The following TLR10 variants were observed in gnomAD, a reference collection of about 807,000 sequenced individuals.
The protein encoded by TLR10 is toll like receptor 10.
For missense variants in TLR10, 929 were observed against 932.9 expected (o/e 1.00, Z 0.05); for synonymous variants, 288 against 338.8 (o/e 0.85, Z 1.65).
intron 1 of TLR10, among the ~76,000 whole-genome samples, chr4:38,778,181 CA>C (rs574440386): frequency 1.0e-3 from 154 of 152,228 alleles, no homozygotes; most frequent in African/African-American, 3.5e-3. Flanking sequence ...CCATCATTCT[CA>C]GCAAACTAAT....
chr4:38,774,198 G>A lies in TLR10; in HGVS notation c.1393C>T (p.Leu465=). 1 of 1,613,528 alleles carries A rather than the reference G, an allele frequency of 6.2e-7. No individual in the cohort carries two copies. Among genetic ancestry groups the A allele is most frequent in the Non-Finnish European group, 8.5e-7 (1 of 1,179,866 alleles). The change falls in exon 4 of 4, where the codon CTG becomes TTG. Residue 465 remains leucine, a synonymous_variant. Transcript: ENST00000308973. ...IQTVPKETIH[L]MALRELNIAF... is the part of the protein sequence containing the mutation. ...ATATTTAGTTCTCGTAAGGCCATCA[G>A]ATGAATAGTCTCTTTAGGTACAGTT...
In TLR10 at chr4:38,773,754, A is replaced by G. The variant is rs1236518890; in HGVS notation, c.1837T>C (p.Cys613Arg). Reference sequence around the variant, plus strand: ...CTAACCCTGTGCCATGTTTGTGTGCATTGACCTAGCATCCTGAGATACCAG... The same window carrying G: ...CTAACCCTGTGCCATGTTTGTGTGCGTTGACCTAGCATCCTGAGATACCAG... ...LPWYLRMLGQ[C>R]TQTWHRVRKT... The change falls in exon 4 of 4, where the codon TGC becomes CGC. Residue 613 changes from cysteine (C) to arginine (R), a missense_variant. Transcript: ENST00000308973. The G allele has an allele frequency of 1.7e-5, 27 of 1,613,236 alleles. No homozygotes were observed. The highest frequency in any genetic ancestry group is 2.3e-5 in the Non-Finnish European group (27 of 1,179,666).
rs1725029294 is a variant in TLR10, at chr4:38,775,838, G to A, written c.-126C>T. 3 of 351,010 alleles carry A rather than the reference G, an allele frequency of 8.5e-6. No individual in the cohort carries two copies. The Admixed American group carries it at 1.3e-4, about 15-fold the overall frequency. The allele number at this position is 351,010 out of a possible 1,614,324, so 21.7% of individuals were successfully genotyped here. On this transcript the variant is annotated 5_prime_UTR_variant, in exon 3 of 4. An upstream open reading frame in the 5' UTR gains an earlier in-frame stop. Coordinates refer to ENST00000308973, the MANE Select transcript of TLR10 (RefSeq NM_030956.4). ...CTGAGAAGTCTCCAAGCTGGCTACT[G>A]TGCCATGTCTCCGTTGTTGAGGTAA...
At chr4:38,782,611 G>A (rs1226689648) in intron 1 of TLR10, among the ~76,000 whole-genome samples, 2 of 152,120 alleles carry the variant, frequency 1.3e-5, no homozygotes, top group Non-Finnish European at 1.5e-5. Context: ...ACGCTGTGGG[G>A]AAATAAGAGC....
Position 38,775,286 on chromosome 4 carries a change from T to G in TLR10, c.305A>C (p.Asp102Ala), listed in dbSNP as rs1335676528. 3 of 1,614,092 alleles carry G rather than the reference T, an allele frequency of 1.9e-6. No individual in the cohort carries two copies. In the South Asian group the frequency reaches 3.3e-5, roughly 18 times the overall value. ...FEFNKELRYL[D>A]LSNNRLKSVT... ...ACTCTTCAGTCTGTTATTAGACAAATCTAAATATCTTAACTCCTTGTTGAA... is the reference window on the plus strand; with the variant it reads ...ACTCTTCAGTCTGTTATTAGACAAAGCTAAATATCTTAACTCCTTGTTGAA... The change falls in exon 4 of 4, where the codon GAT becomes GCT. Residue 102 changes from aspartate (D) to alanine (A), a missense_variant. Physicochemically the swap from Asp to Ala is moderately radical, Grantham distance 126 (BLOSUM62 -2). Coordinates refer to ENST00000308973, the MANE Select transcript of TLR10 (RefSeq NM_030956.4).
At chr4:38,776,541 A>G (rs1048124635) in intron 1 of TLR10, 115 bp from the exon 2 acceptor site, 2 of 152,368 alleles carry the variant, frequency 1.3e-5, no homozygotes, top group African/African-American at 4.8e-5. Flanking sequence ...TGAGGGAAGT[A>G]CTACTACTCC....
chr4:38,774,887 C>T lies in TLR10; in HGVS notation c.704G>A (p.Arg235Gln), dbSNP rs145056839. 8.4e-5 allele frequency: 135 copies of T among 1,607,932 alleles called. No homozygotes were observed. The highest frequency in any genetic ancestry group is 1.9e-4 in the Admixed American group (11 of 58,732). ...KSQFVSYEMQ[R>Q]NLSLENAKTS... ...CTTAGCATTTTCTAAACTAAGATTTCGTTGCATTTCATAACTTACAAATTG... is the reference window on the plus strand; with the variant it reads ...CTTAGCATTTTCTAAACTAAGATTTTGTTGCATTTCATAACTTACAAATTG... Residue 235 changes from arginine to glutamine, a missense_variant, in exon 4 of 4, where the codon CGA becomes CAA. By Grantham distance (43) the Arg-to-Gln change is conservative. Transcript: ENST00000308973.
chr4:38,780,613 A>C (rs1167470061), intron 1 of TLR10, among the ~76,000 whole-genome samples: 1 of 151,380 alleles, frequency 6.6e-6, no homozygotes, highest in African/African-American at 2.4e-5. Flanking sequence ...TATCACACTT[A>C]ATAAATGGTG....
chr4:38,774,584 G>A lies in TLR10; in HGVS notation c.1007C>T (p.Ala336Val), dbSNP rs1331687596. The A allele has an allele frequency of 1.3e-6, 2 of 1,595,438 alleles. No homozygotes were observed. The highest frequency in any genetic ancestry group is 1.7e-6 in the Non-Finnish European group (2 of 1,174,194). ...MDIENLTISN[A>V]QMPHMLFPNY... The stretch of plus-strand genomic sequence containing the variant: ...CGGGAAAAGCATGTGTGGCATTTGT[G>A]CATTTGATATTGTCAGGTTTTCTAT... Residue 336 changes from alanine (A) to valine (V), a missense_variant, in exon 4 of 4, where the codon GCA becomes GTA. By Grantham distance (64) the Ala-to-Val change is moderately conservative. Transcript: ENST00000308973.
Position 38,772,618 on chromosome 4 carries a change from TTC to T in TLR10, c.*535_*536del, listed in dbSNP as rs1724698244. 8.5e-6 allele frequency: 1 copy of T among 118,088 alleles called. No individual in the cohort carries two copies. The highest frequency in any genetic ancestry group is 1.7e-5 in the Non-Finnish European group (1 of 59,410). 7.3% of individuals were successfully genotyped at this position (118,088 alleles called of 1,614,324 possible). A position where few individuals can be genotyped will look rare whatever the true frequency, so the allele number is the denominator to read the frequency against. On this transcript the variant is annotated 3_prime_UTR_variant, in exon 4 of 4. Coordinates refer to ENST00000308973, the MANE Select transcript of TLR10 (RefSeq NM_030956.4). ...GGCCATGAGGATGTTTTCCATTTTT[TTC>T]TTTTTTTTTTTTCTTTTTTTTGAGA...
Position 38,773,873 on chromosome 4 carries a change from G to A in TLR10, c.1718C>T (p.Ser573Phe). 1 of 1,593,476 alleles carries A rather than the reference G, an allele frequency of 6.3e-7. No homozygotes were observed. The highest frequency in any genetic ancestry group is 1.1e-5 in the South Asian group (1 of 86,972). Residue 573 changes from serine (S) to phenylalanine (F), a missense_variant, in exon 4 of 4, where the codon TCT (serine) becomes TTT (phenylalanine). Physicochemically the swap from Ser to Phe is radical, Grantham distance 155 (BLOSUM62 -2). Coordinates refer to ENST00000308973, the MANE Select transcript of TLR10 (RefSeq NM_030956.4). ...RLKDVHLHELSCNTALLIVTI... is the reference protein window; with the variant it reads ...RLKDVHLHELFCNTALLIVTI... ...GACAATCAACAGAGCTGTGTTGCAAGATAATTCGTGGAGATGAACGTCTTT... is the reference window on the plus strand; with the variant it reads ...GACAATCAACAGAGCTGTGTTGCAAAATAATTCGTGGAGATGAACGTCTTT...
Position 38,774,635 on chromosome 4 carries a change from A to C in TLR10, c.956T>G (p.Ile319Ser). Residue 319 changes from isoleucine (I) to serine (S), a missense_variant, in exon 4 of 4, where the codon ATC (isoleucine) becomes AGC (serine). By Grantham distance (142) the Ile-to-Ser change is moderately radical. Coordinates refer to ENST00000308973, the MANE Select transcript of TLR10 (RefSeq NM_030956.4). ...GTCCATTTTGGTCAAAAGCAAATAGATTTTATCCTGTTGAATGTAAAACAC... is the reference window on the plus strand; with the variant it reads ...GTCCATTTTGGTCAAAAGCAAATAGCTTTTATCCTGTTGAATGTAAAACAC... ...FRVFYIQQDK[I>S]YLLLTKMDIE... 1 of 1,577,738 alleles carries C rather than the reference A, an allele frequency of 6.3e-7. No homozygotes were observed. Among genetic ancestry groups the C allele is most frequent in the Non-Finnish European group, 8.6e-7 (1 of 1,166,790 alleles).
chr4:38,782,759 C>T (rs1456063193), intron 1 of TLR10, among the ~76,000 whole-genome samples, 162 bp downstream of exon 1: 1 of 152,218 alleles, frequency 6.6e-6, no homozygotes, highest in Non-Finnish European at 1.5e-5. Context: ...GCCCCAAGGT[C>T]ACTAATCATT....
chr4:38,780,957 C>G (rs1158028358), intron 1 of TLR10, among the ~76,000 whole-genome samples: 1 of 152,134 alleles, frequency 6.6e-6, no homozygotes, highest in Non-Finnish European at 1.5e-5. Flanking sequence ...GCCATGGCCC[C>G]TTAAGAATGC....
rs1429674417 is a variant in TLR10 at position 38,774,734 on chromosome 4, T to TAA, written c.855_856dup (p.Tyr286PhefsTer14). On this transcript the variant is annotated frameshift_variant, in exon 4 of 4. Transcript: ENST00000308973. LOFTEE classifies it low-confidence loss of function (END_TRUNC). ...GTAGTCAAATGAATTGTGGTCAAGA[T>TAA]AAGCCTTACCACCAAAAGTCACATT... 6.3e-7 allele frequency: 1 copy of TAA among 1,596,722 alleles called. No individual in the cohort carries two copies. The highest frequency in any genetic ancestry group is 1.8e-5 in the Admixed American group (1 of 55,418).
Position 38,775,178 on chromosome 4 carries a change from G to A in TLR10, c.413C>T (p.Ala138Val), listed in dbSNP as rs980337294. 6.2e-7 allele frequency: 1 copy of A among 1,613,512 alleles called. No homozygotes were observed. The highest frequency in any genetic ancestry group is 8.5e-7 in the Non-Finnish European group (1 of 1,179,902). ...DFDTMPICEE[A>V]GNMSHLEILG... ...GATTTCCAGGTGTGACATGTTGCCA[G>A]CTTCCTCACAGATAGGCATGGTGTC... Residue 138 changes from alanine (A) to valine (V), a missense_variant, in exon 4 of 4, where the codon GCT (alanine) becomes GTT (valine). Transcript: ENST00000308973.
At position 38,774,090 on chromosome 4, in the gene TLR10, G is replaced by A; in HGVS notation, c.1501C>T (p.Leu501Phe). The part of the protein sequence containing the change: ...SVLNIEMNFI[L>F]SPSLDFVQSC... ...TGAACAAAATCCAGAGATGGGCTGA[G>A]AATGAAGTTCATTTCAATGTTCAGA... Residue 501 changes from leucine to phenylalanine, a missense_variant, in exon 4 of 4, where the codon CTC (leucine) becomes TTC (phenylalanine). Leu to Phe is a conservative substitution (Grantham distance 22). Transcript: ENST00000308973. 1 of 1,612,452 alleles carries A rather than the reference G, an allele frequency of 6.2e-7. No individual in the cohort carries two copies.
chr4:38,777,282 G>A (rs11466640), intron 1 of TLR10, among the ~76,000 whole-genome samples: 20,913 of 152,192 alleles, frequency 0.14, 1,958 homozygotes, highest in East Asian at 0.33. Flanking sequence ...GTTGTCTGGG[G>A]AAAGAGTATT....
In TLR10 at chr4:38,773,391, GA is replaced by G. The variant is rs1724773302; in HGVS notation, c.2199del (p.Pro734HisfsTer12). On this transcript the variant is annotated frameshift_variant, in exon 4 of 4. Coordinates refer to ENST00000308973, the MANE Select transcript of TLR10 (RefSeq NM_030956.4). LOFTEE classifies it low-confidence loss of function (END_TRUNC). Reference protein sequence around the residue: ...DHIILILLEPIPFYCIPTRYH... With the variant: ...DHIILILLEPXPFYCIPTRYH... ...TACCTGGTGGGAATGCAATAGAATG[GA>G]ATGGGTTCCAGTAAGATAAGAATTA... 2 of 1,613,788 alleles carry G rather than the reference GA, an allele frequency of 1.2e-6. No homozygotes were observed. The highest frequency in any genetic ancestry group is 2.7e-5 in the African/African-American group (2 of 74,892).
Sources: gnomAD v4.1 joint callset for allele counts (sites outside exome capture counted in the v4.1 genomes callset) on GRCh38, gnomAD v4.1.1 for gene constraint, MANE v1.5 for transcripts, NCBI Gene and HGNC (gene_info 2026-07-23, HGNC 2026-07-21) for gene names.